FETUB: variants seen among roughly 807,000 people sequenced by gnomAD.
FETUB encodes fetuin B.
A neutral mutation model predicts 30.9 loss-of-function variants in FETUB; 28 were observed. The ratio of observed to expected loss-of-function variants is 0.90; its 90% CI spans 0.67 to 1.24. FETUB has a LOEUF of 1.24. Ranked by LOEUF, FETUB falls within the 50% of genes most tolerant of loss-of-function variation. The pLI, the probability that FETUB is intolerant of heterozygous loss-of-function variation, is 0.00. For missense variants in FETUB, 469 were observed against 455.3 expected, an observed-to-expected ratio of 1.03 and a Z score of -0.27; for synonymous variants, 186 against 175.9, an observed-to-expected ratio of 1.06 and a Z score of -0.45.
intron 5 of FETUB, among the ~76,000 whole-genome samples, chr3:186,650,237 T>C (rs192435872): frequency 0.011 from 1,650 of 151,804 alleles, 41 homozygotes; most frequent in African/African-American, 0.038. Context: ...TTTTAGTTTA[T>C]TTTTAGATAA....
intron 2 of FETUB, chr3:186,642,268 G>A (rs889310575): frequency 1.5e-5 from 8 of 544,658 alleles, no homozygotes; most frequent in African/African-American, 1.4e-4. Flanking sequence ...GTGTTGGGGA[G>A]GCTTGGAAAC....
chr3:186,649,044 C>T lies in FETUB; in HGVS notation c.697-2174C>T, dbSNP rs569659529. 2.0e-5 allele frequency among the ~76,000 whole-genome samples: 3 copies of T among 152,334 alleles called. No homozygotes were observed. In the South Asian group the frequency reaches 6.2e-4, roughly 32 times the overall value. ...TTATAAAGTCCCTTTGTGATCCACT[C>T]CAGTGTCAGCGCCAGGTAGGCCTAT... On this transcript the variant is annotated intron_variant, in intron 5 of 6. Coordinates refer to ENST00000265029, the MANE Select transcript of FETUB (RefSeq NM_014375.3).
upstream of FETUB, among the ~76,000 whole-genome samples, chr3:186,638,569 C>T (rs922315924): frequency 3.3e-5 from 5 of 152,220 alleles, no homozygotes; most frequent in Admixed American, 3.3e-4. Context: ...TACTCCACAG[C>T]CTAGGAGAAG....
At position 186,640,439 on chromosome 3, in the gene FETUB, C is replaced by T. The variant is rs1203557492; in HGVS notation, c.-22C>T. Reference sequence around the variant, plus strand: ...CCTGCAGCTCCACAAACTGACCCATCCTGGGCCTTGTTCTCCACAGAATGG... The same window carrying T: ...CCTGCAGCTCCACAAACTGACCCATTCTGGGCCTTGTTCTCCACAGAATGG... On this transcript the variant is annotated 5_prime_UTR_variant, in exon 1 of 7. Coordinates refer to ENST00000265029, the MANE Select transcript of FETUB (RefSeq NM_014375.3). 11 of 1,595,012 alleles carry T rather than the reference C, an allele frequency of 6.9e-6. No individual in the cohort carries two copies. Among genetic ancestry groups the T allele is most frequent in the East Asian group, 2.2e-5 (1 of 44,780 alleles).
chr3:186,640,801 C>T (rs1007544088), intron 1 of FETUB, 116 bp downstream of exon 1: 26 of 859,716 alleles, frequency 3.0e-5, no homozygotes, highest in Admixed American at 7.5e-5. Context: ...GAAGCCCTGC[C>T]GAGAACTCTC....
upstream of FETUB, among the ~76,000 whole-genome samples, chr3:186,638,098 A>C (rs1032337106): frequency 2.6e-5 from 4 of 152,254 alleles, no homozygotes; most frequent in African/African-American, 9.6e-5. Flanking sequence ...AATATTGTTA[A>C]AATTAATATC....
intron 3 of FETUB, among the ~76,000 whole-genome samples, chr3:186,642,937 C>T (rs747008342): frequency 2.6e-5 from 4 of 152,236 alleles, no homozygotes; most frequent in Non-Finnish European, 4.4e-5. Flanking sequence ...TGAACATGCA[C>T]TGCAATTTCC....
At chr3:186,644,658 G>A (rs1717342115) in intron 3 of FETUB, 93 bp from the exon 4 acceptor site, 2 of 907,720 alleles carry the variant, frequency 2.2e-6, no homozygotes, top group East Asian at 2.5e-5. Flanking sequence ...ATATTCCAGA[G>A]GTAACTTCCT....
At chr3:186,637,154 G>A (rs1716800597), upstream of FETUB, among the ~76,000 whole-genome samples, 1 of 152,194 alleles carries the variant, frequency 6.6e-6, no homozygotes, top group Non-Finnish European at 1.5e-5. Flanking sequence ...AACACAGAGT[G>A]TTTAGCACAG....
upstream of FETUB, among the ~76,000 whole-genome samples, chr3:186,639,719 C>T (rs1230060073): frequency 6.7e-6 from 1 of 149,944 alleles, no homozygotes; most frequent in Non-Finnish European, 1.5e-5. Context: ...ACCTGCCCTT[C>T]AGTATCTTTC....
intron 5 of FETUB, chr3:186,647,132 A>C (rs956213099): frequency 1.3e-5 from 2 of 152,182 alleles, no homozygotes; most frequent in Non-Finnish European, 2.9e-5. Context: ...GGCTTCTTTC[A>C]CTTAGCATAG....
Position 186,652,720 on chromosome 3 carries a change from G to A in FETUB, c.*89G>A, listed in dbSNP as rs765702625. The A allele has an allele frequency of 3.2e-5, 47 of 1,457,860 alleles. No homozygotes were observed. Among genetic ancestry groups the A allele is most frequent in the African/African-American group, 8.5e-5 (6 of 70,658 alleles). 90.3% of individuals were successfully genotyped at this position (1,457,860 alleles called of 1,614,324 possible). On this transcript the variant is annotated 3_prime_UTR_variant, in exon 7 of 7. Coordinates refer to ENST00000265029, the MANE Select transcript of FETUB (RefSeq NM_014375.3). ...ATGGACAGAGACAGAGCGTGCACACGTAGAGTGGCTAGTGAAGGACGCCTT... is the reference window on the plus strand; with the variant it reads ...ATGGACAGAGACAGAGCGTGCACACATAGAGTGGCTAGTGAAGGACGCCTT...
chr3:186,643,125 A>G (rs1187586340), intron 3 of FETUB, among the ~76,000 whole-genome samples: 1 of 152,130 alleles, frequency 6.6e-6, no homozygotes, highest in Non-Finnish European at 1.5e-5. Context: ...TGTCTAAACT[A>G]CTCAGGGAAC....
chr3:186,649,271 C>T (rs958694122), intron 5 of FETUB, among the ~76,000 whole-genome samples: 5 of 152,156 alleles, frequency 3.3e-5, no homozygotes, highest in African/African-American at 9.6e-5. Flanking sequence ...AATTTCTAGT[C>T]TTTTTTTCAT....
chr3:186,647,940 G>A (rs1052083005), intron 5 of FETUB, among the ~76,000 whole-genome samples: 1 of 151,972 alleles, frequency 6.6e-6, no homozygotes, highest in African/African-American at 2.4e-5. Context: ...AGATTTACAT[G>A]TGTAAAAATG....
intron 5 of FETUB, among the ~76,000 whole-genome samples, chr3:186,649,671 C>T (rs1359830107): frequency 1.3e-5 from 2 of 152,018 alleles, no homozygotes; most frequent in African/African-American, 2.4e-5. Flanking sequence ...GGGTTTCACC[C>T]TGTTGACCAG....
At chr3:186,636,835 C>T (rs547480009), upstream of FETUB, among the ~76,000 whole-genome samples, 46 of 152,318 alleles carry the variant, frequency 3.0e-4, no homozygotes, top group African/African-American at 1.1e-3. Context: ...AATACGCTCC[C>T]TGCCTTGTGC....
rs753647178 is a variant in FETUB at position 186,644,749 on chromosome 3, A to G, written c.425-2A>G. Reference sequence around the variant, plus strand: ...AAAAACTTATGTTATTGGCATCAACAGTTTCAAAAAAAAAGATTTACATGA... The same window carrying G: ...AAAAACTTATGTTATTGGCATCAACGGTTTCAAAAAAAAAGATTTACATGA... On this transcript the variant is annotated splice_acceptor_variant, in intron 3 of 6. Transcript: ENST00000265029. LOFTEE classifies it high-confidence loss of function. 2 of 1,592,412 alleles carry G rather than the reference A, an allele frequency of 1.3e-6. No homozygotes were observed. Among genetic ancestry groups the G allele is most frequent in the East Asian group, 2.2e-5 (1 of 44,772 alleles).
At chr3:186,649,164 G>T (rs930627577) in intron 5 of FETUB, among the ~76,000 whole-genome samples, 1 of 152,194 alleles carries the variant, frequency 6.6e-6, no homozygotes, top group East Asian at 1.9e-4. Flanking sequence ...TTCTCTGAGA[G>T]CCCCTCCTCT....
Sources: allele counts gnomAD v4.1 joint callset (sites outside exome capture counted in the v4.1 genomes callset), GRCh38; gene constraint gnomAD v4.1.1; transcripts MANE v1.5; gene names NCBI Gene and HGNC (gene_info 2026-07-23, HGNC 2026-07-21).